FRYL: variants seen among roughly 807,000 people sequenced by gnomAD.
FRYL encodes the protein protein furry homolog-like.
Under a neutral mutation model 351.2 loss-of-function variants are expected in FRYL, and 150 were observed. The ratio of observed to expected loss-of-function variants is 0.43; its 90% CI spans 0.37 to 0.49. The LOEUF (loss-of-function observed/expected upper bound fraction) is 0.49. Among genes scored for constraint, FRYL ranks in the 20% least tolerant of loss-of-function variants. The probability of loss-of-function intolerance (pLI) is 0.00; values close to 1 mark genes in which losing one functional copy is unlikely to be tolerated. For missense variants in FRYL, 3,036 were observed against 3,619.3 expected (o/e 0.84, Z 4.13); for synonymous variants, 1,153 against 1,257.1 (o/e 0.92, Z 1.75).
At chr4:48,599,427 T>G (rs536950086) in intron 13 of FRYL, among the ~76,000 whole-genome samples, 107 of 149,246 alleles carry the variant, frequency 7.2e-4, no homozygotes, top group African/African-American at 2.6e-3. Flanking sequence ...AAAGCTCATT[T>G]TTCATGGTCA....
intron 7 of FRYL, among the ~76,000 whole-genome samples, chr4:48,616,220 T>TAA (rs771644187): frequency 8.8e-4 from 123 of 139,410 alleles, no homozygotes; most frequent in African/African-American, 3.1e-3. Context: ...AGTATAATAA[T>TAA]AAAAAAAAAA....
intron 1 of FRYL, among the ~76,000 whole-genome samples, chr4:48,744,156 G>C (rs1340422913): frequency 1.3e-5 from 2 of 151,982 alleles, no homozygotes; most frequent in African/African-American, 4.8e-5. Flanking sequence ...TAGGGGAGGG[G>C]GGTGATTGCT....
At chr4:48,499,948 G>A in intron 63 of FRYL, 82 bp downstream of exon 63, 1 of 1,018,894 alleles carries the variant, frequency 9.8e-7, no homozygotes, top group East Asian at 2.5e-5. Context: ...TATGGAAACA[G>A]CAAATTGAAA....
Position 48,606,529 on chromosome 4 carries a change from T to C in FRYL, c.650A>G (p.Gln217Arg), listed in dbSNP as rs756290909. The change falls in exon 10 of 64, where the codon CAA (glutamine) becomes CGA (arginine). Residue 217 changes from glutamine (Q) to arginine (R), a missense_variant. Transcript: ENST00000358350. ...TCCCATTATTAAGCTGATGACACTT[T>C]GTACCACATGTGGGCTTTGTTCCTT... ...RQKEQSPHVV[Q>R]SVISLIMGMK... The C allele has an allele frequency of 6.2e-7, 1 of 1,613,464 alleles. No individual in the cohort carries two copies. The highest frequency in any genetic ancestry group is 8.5e-7 in the Non-Finnish European group (1 of 1,179,494).
chr4:48,637,990 A>C (rs930651845), intron 3 of FRYL: 34 of 152,086 alleles, frequency 2.2e-4, no homozygotes, highest in African/African-American at 7.7e-4. Flanking sequence ...TTTACACACA[A>C]CATTCTGAAT....
In FRYL at chr4:48,751,094, C is replaced by T. The variant is rs752379713; in HGVS notation, c.-384+28984G>A. Among the ~76,000 whole-genome samples, 12 of 152,218 alleles carry T rather than the reference C, an allele frequency of 7.9e-5. No homozygotes were observed. In the South Asian group the frequency reaches 2.1e-3, roughly 26 times the overall value. Reference sequence around the variant, plus strand: ...GAAAGAGAAGAATTACTAATAGGCACAATATCTGTTAGAAAGGCCAAGGGT... The same window carrying T: ...GAAAGAGAAGAATTACTAATAGGCATAATATCTGTTAGAAAGGCCAAGGGT... On this transcript the variant is annotated intron_variant, in intron 1 of 63. Coordinates refer to ENST00000358350, the MANE Select transcript of FRYL (RefSeq NM_015030.2).
chr4:48,578,227 A>T (rs1293789910), intron 23 of FRYL, among the ~76,000 whole-genome samples: 2 of 152,134 alleles, frequency 1.3e-5, no homozygotes, highest in Non-Finnish European at 2.9e-5. Flanking sequence ...GTAAGAAAAA[A>T]GGTACAGAGT....
rs1389772414 is a variant in FRYL, at chr4:48,498,711, A to G, written c.*711T>C. Reference sequence around the variant, plus strand: ...ACTATGAAGAGTTAGATCTAATAAAATAACATTTCTTCAAAAATAATCTTG... The same window carrying G: ...ACTATGAAGAGTTAGATCTAATAAAGTAACATTTCTTCAAAAATAATCTTG... On this transcript the variant is annotated 3_prime_UTR_variant, in exon 64 of 64. Coordinates refer to ENST00000358350, the MANE Select transcript of FRYL (RefSeq NM_015030.2). 8 of 152,582 alleles carry G rather than the reference A, an allele frequency of 5.2e-5. No homozygotes were observed. The highest frequency in any genetic ancestry group is 5.2e-4 in the Admixed American group (8 of 15,282). 9.5% of individuals were successfully genotyped at this position (152,582 alleles called of 1,614,324 possible). A position where few individuals can be genotyped will look rare whatever the true frequency, so the allele number is the denominator to read the frequency against.
At chr4:48,587,578 T>C (rs1387225154) in intron 18 of FRYL, among the ~76,000 whole-genome samples, 1 of 151,936 alleles carries the variant, frequency 6.6e-6, no homozygotes, top group Non-Finnish European at 1.5e-5. Flanking sequence ...AGTTTCGCTC[T>C]TGTTGCCCAG....
rs538102652 is a variant in FRYL at position 48,520,253 on chromosome 4, C to A, written c.7689+795G>T. On this transcript the variant is annotated intron_variant, in intron 55 of 63. Coordinates refer to ENST00000358350, the MANE Select transcript of FRYL (RefSeq NM_015030.2). ...GCTTGCTAATAAGGAAGCCAAAGTG[C>A]CTTCATTTCAAAATATGTCTGGTTA... Among the ~76,000 whole-genome samples, 274 of 152,230 alleles carry A rather than the reference C, an allele frequency of 1.8e-3. 3 individuals are homozygous for A. Among genetic ancestry groups the A allele is most frequent in the African/African-American group, 6.4e-3 (264 of 41,542 alleles).
intron 3 of FRYL, among the ~76,000 whole-genome samples, chr4:48,659,226 T>C (rs1759921882): frequency 6.6e-6 from 1 of 151,092 alleles, no homozygotes; most frequent in Non-Finnish European, 1.5e-5. Context: ...TGGTGTGCGC[T>C]TGTAGTCCCA....
Position 48,515,303 on chromosome 4 carries a change from C to G in FRYL, c.7690-28G>C, listed in dbSNP as rs199696384. 2.7e-4 allele frequency: 416 copies of G among 1,522,768 alleles called. 1 individual carries two copies. Among genetic ancestry groups the G allele is most frequent in the Non-Finnish European group, 3.3e-4 (369 of 1,122,048 alleles). 94.3% of individuals were successfully genotyped at this position (1,522,768 alleles called of 1,614,324 possible). ...ACAAAACAATCATAGTTTTAGTGAA[C>G]TATAAACACATAAAAAAAGAATTTT... On this transcript the variant is annotated intron_variant, in intron 55 of 63. Transcript: ENST00000358350.
chr4:48,635,321 C>T lies in FRYL; in HGVS notation c.-80-831G>A, dbSNP rs150622553. 1.2e-4 allele frequency among the ~76,000 whole-genome samples: 18 copies of T among 152,186 alleles called. No individual in the cohort carries two copies. In the East Asian group the frequency reaches 3.1e-3, roughly 26 times the overall value. On this transcript the variant is annotated intron_variant, in intron 3 of 63. Coordinates refer to ENST00000358350, the MANE Select transcript of FRYL (RefSeq NM_015030.2). The stretch of plus-strand genomic sequence containing the variant: ...TGGATTGAAAGAGGGAAAATGTAGA[C>T]CCAGGGAAGCCATTACAGAAATCCA...
At chr4:48,606,782 T>C (rs976179661) in intron 9 of FRYL, among the ~76,000 whole-genome samples, 176 bp from the exon 10 acceptor site, 2 of 152,208 alleles carry the variant, frequency 1.3e-5, no homozygotes, top group Non-Finnish European at 2.9e-5. Context: ...CTAAATTTGC[T>C]GTTCATTTCT....
chr4:48,544,771 C>A lies in FRYL; in HGVS notation c.5401+12G>T. The A allele has an allele frequency of 1.3e-6, 2 of 1,563,450 alleles. No homozygotes were observed. Among genetic ancestry groups the A allele is most frequent in the Non-Finnish European group, 1.7e-6 (2 of 1,162,224 alleles). ...AAATGTCACTAAAACTAAAATATTT[C>A]TTAAAAGATACCTGAGCTTGACTGC... On this transcript the variant is annotated intron_variant, in intron 43 of 63. Transcript: ENST00000358350.
chr4:48,531,949 T>C (rs2148885357), intron 49 of FRYL, among the ~76,000 whole-genome samples: 1 of 152,092 alleles, frequency 6.6e-6, no homozygotes, highest in Middle Eastern at 3.4e-3. Context: ...ATTTTGGCTA[T>C]TTTAAAAAAA....
At chr4:48,565,852 T>C (rs188613041) in intron 28 of FRYL, among the ~76,000 whole-genome samples, 161 bp from the exon 29 acceptor site, 14 of 152,366 alleles carry the variant, frequency 9.2e-5, no homozygotes, top group African/African-American at 2.9e-4. Context: ...TTTATATATA[T>C]GCAAATCACA....
rs761985834 is a variant in FRYL at position 48,510,104 on chromosome 4, T to C, written c.8349A>G (p.Gln2783=). ...ETLKFGVLEL[Q]EHLDTYNVKR... ...TCACATTGTATGTATCCAGGTGTTC[T>C]TGCAACTCCAAAACACCAAACTTGA... Residue 2783 remains glutamine (Q), a synonymous_variant, in exon 59 of 64, where the codon CAA becomes CAG. Transcript: ENST00000358350. 10 of 1,613,654 alleles carry C rather than the reference T, an allele frequency of 6.2e-6. No individual in the cohort carries two copies. The highest frequency in any genetic ancestry group is 4.4e-5 in the South Asian group (4 of 91,088).
At chr4:48,617,513 T>C (rs937802658) in intron 7 of FRYL, 1 of 151,990 alleles carries the variant, frequency 6.6e-6, no homozygotes. Flanking sequence ...CACACCCAGA[T>C]AATTTTTTAA....
Sources: allele counts gnomAD v4.1 joint callset (sites outside exome capture counted in the v4.1 genomes callset), GRCh38; gene constraint gnomAD v4.1.1; transcripts MANE v1.5; gene names NCBI Gene and HGNC (gene_info 2026-07-23, HGNC 2026-07-21).